Variants in MYO1G observed in about 807,000 individuals in gnomAD.
The protein encoded by MYO1G is myosin IG, also known as unconventional myosin-Ig.
A neutral mutation model predicts 115.3 loss-of-function variants in MYO1G; 65 were observed. That is an observed-to-expected ratio of 0.56 (90% CI 0.46 to 0.69). The LOEUF (loss-of-function observed/expected upper bound fraction) is 0.69, where lower values mean the gene tolerates loss of function less well. MYO1G is among the 30% of genes least tolerant of loss of function. MYO1G has a pLI of 0.00. For missense variants in MYO1G, 1,204 were observed against 1,393.5 expected, an observed-to-expected ratio of 0.86 and a Z score of 2.16; for synonymous variants, 510 against 552.6, an observed-to-expected ratio of 0.92 and a Z score of 1.08.
chr7:44,966,432 A>T lies in MYO1G; in HGVS notation c.1950-152T>A, dbSNP rs1218709236. The T allele has an allele frequency of 1.2e-6, 1 of 821,860 alleles. No individual in the cohort carries two copies. The highest frequency in any genetic ancestry group is 2.0e-6 in the Non-Finnish European group (1 of 494,956). The allele number at this position is 821,860 out of a possible 1,614,324, so 50.9% of individuals were successfully genotyped here. On this transcript the variant is annotated intron_variant, in intron 15 of 21. Transcript: ENST00000258787. The surrounding 1 kb of genome is among the most constrained non-coding windows in gnomAD (Gnocchi z 5.0). ...TGTGCACATATGTCTTCCCATACAC[A>T]TGTCCTCACATACATGTCCTCACAC...
Position 44,962,977 on chromosome 7 carries a change from A to G in MYO1G, c.2893T>C (p.Cys965Arg). Residue 965 changes from cysteine (C) to arginine (R), a missense_variant, in exon 21 of 22, where the codon TGC becomes CGC. Coordinates refer to ENST00000258787, the MANE Select transcript of MYO1G (RefSeq NM_033054.3). The surrounding 1 kb of genome is among the most constrained non-coding windows in gnomAD (Gnocchi z 5.3). Reference protein sequence around the residue: ...GELVGVLAAHCQGEGRTLEVR... With the variant: ...GELVGVLAAHRQGEGRTLEVR... ...CGCCCAGCCTGCACTCACCCCTGGC[A>G]GTGTGCGGCCAGCACGCCCACCAGC... The G allele has an allele frequency of 6.5e-7, 1 of 1,532,804 alleles. No homozygotes were observed. Among genetic ancestry groups the G allele is most frequent in the Non-Finnish European group, 8.7e-7 (1 of 1,143,972 alleles). The allele number at this position is 1,532,804 out of a possible 1,614,324, so 95.0% of individuals were successfully genotyped here. A position where few individuals can be genotyped will look rare whatever the true frequency, so the allele number is the denominator to read the frequency against.
In MYO1G at chr7:44,963,141, G is replaced by T; in HGVS notation, c.2746-17C>A. On this transcript the variant is annotated splice_polypyrimidine_tract_variant and intron_variant, in intron 20 of 21. Transcript: ENST00000258787. This position sits in a 1 kb window ranked among gnomAD's most constrained non-coding sequence, Gnocchi z 4.1. ...CCCCGTCACCTGAGCGGAGCGCGGG[G>T]TCAGAGTGCAGCCGCCTCAACCCGC... 1 of 1,432,008 alleles carries T rather than the reference G, an allele frequency of 7.0e-7. No individual in the cohort carries two copies. The highest frequency in any genetic ancestry group is 9.1e-7 in the Non-Finnish European group (1 of 1,096,760). 88.7% of individuals were successfully genotyped at this position (1,432,008 alleles called of 1,614,324 possible).
In MYO1G at chr7:44,969,139, T is replaced by G; in HGVS notation, c.1574+274A>C. The G allele has an allele frequency of 3.8e-6, 1 of 265,554 alleles. No individual in the cohort carries two copies. Among genetic ancestry groups the G allele is most frequent in the Non-Finnish European group, 7.4e-6 (1 of 135,846 alleles). The allele number at this position is 265,554 out of a possible 1,614,324, so 16.4% of individuals were successfully genotyped here. On this transcript the variant is annotated intron_variant, in intron 12 of 21. Transcript: ENST00000258787. The surrounding 1 kb of genome is among the most constrained non-coding windows in gnomAD (Gnocchi z 5.0). ...CTGAAGCCCCCCACCCCACAGATGC[T>G]GGTATAGGGTTGGGCCCAGACATGA...
intron 2 of MYO1G, 77 bp from the exon 3 acceptor site, chr7:44,976,734 C>G: frequency 6.3e-7 from 1 of 1,592,356 alleles, no homozygotes; most frequent in East Asian, 2.2e-5. Context: ...ACTCACACCC[C>G]CAAGACTGGC....
At chr7:44,975,268 G>T (rs762461633) in intron 4 of MYO1G, 41 bp from the exon 5 acceptor site, 3 of 1,609,978 alleles carry the variant, frequency 1.9e-6, no homozygotes, top group Non-Finnish European at 2.6e-6. Context: ...CTGGGAAGGA[G>T]TCTGACCCTG....
rs761923309 is a variant in MYO1G, at chr7:44,964,541, G to A, written c.2527-22C>T. ...TGGCCTGAGGACAGATGGAGGGGAG[G>A]GGGCGCTGCTTGGGATTGAGTCATG... On this transcript the variant is annotated intron_variant, in intron 18 of 21. Transcript: ENST00000258787. This position sits in a 1 kb window ranked among gnomAD's most constrained non-coding sequence, Gnocchi z 5.1. 1.0e-5 allele frequency: 16 copies of A among 1,593,750 alleles called. 1 individual carries two copies. The East Asian group carries it at 2.0e-4, about 20-fold the overall frequency.
rs142679029 is a variant in MYO1G, at chr7:44,966,833, G to C, written c.1788C>G (p.Pro596=). ...TGGGCTTGATGCAGCGGACGTAGAA[G>C]GGCTCCTGCAGGGACAGAGGGGACT... ...ALVENLASKE[P]FYVRCIKPNE... Residue 596 remains proline, a synonymous_variant, in exon 15 of 22, where the codon CCC becomes CCG. Coordinates refer to ENST00000258787, the MANE Select transcript of MYO1G (RefSeq NM_033054.3). The surrounding 1 kb of genome is among the most constrained non-coding windows in gnomAD (Gnocchi z 5.0). The C allele has an allele frequency of 2.6e-5, 42 of 1,606,768 alleles. No homozygotes were observed. The African/African-American group carries it at 5.2e-4, about 20-fold the overall frequency.
rs936737338 is a variant in MYO1G at position 44,963,939 on chromosome 7, G to T, written c.2745+110C>A. ...GCCACCATCGCTGAGTTTTAGGATG[G>T]TCTGGGCCATCTCAGGTAAACAGGG... On this transcript the variant is annotated intron_variant, in intron 20 of 21. Transcript: ENST00000258787. This position sits in a 1 kb window ranked among gnomAD's most constrained non-coding sequence, Gnocchi z 4.1. 1.7e-5 allele frequency: 15 copies of T among 907,244 alleles called. No individual in the cohort carries two copies. The African/African-American group carries it at 2.0e-4, about 12-fold the overall frequency. 56.2% of individuals were successfully genotyped at this position (907,244 alleles called of 1,614,324 possible). A position where few individuals can be genotyped will look rare whatever the true frequency, so the allele number is the denominator to read the frequency against.
In MYO1G at chr7:44,969,185, G is replaced by A; in HGVS notation, c.1574+228C>T. 1.9e-6 allele frequency: 1 copy of A among 529,016 alleles called. No homozygotes were observed. Among genetic ancestry groups the A allele is most frequent in the Non-Finnish European group, 3.4e-6 (1 of 290,518 alleles). 32.8% of individuals were successfully genotyped at this position (529,016 alleles called of 1,614,324 possible). A position where few individuals can be genotyped will look rare whatever the true frequency, so the allele number is the denominator to read the frequency against. ...CATGAGACGTGGGTATTTTTTAAAGGCTCCCAGAAGAATGCAGCCATGGTT... is the reference window on the plus strand; with the variant it reads ...CATGAGACGTGGGTATTTTTTAAAGACTCCCAGAAGAATGCAGCCATGGTT... On this transcript the variant is annotated intron_variant, in intron 12 of 21. Coordinates refer to ENST00000258787, the MANE Select transcript of MYO1G (RefSeq NM_033054.3). This position sits in a 1 kb window ranked among gnomAD's most constrained non-coding sequence, Gnocchi z 5.0.
intron 12 of MYO1G, among the ~76,000 whole-genome samples, chr7:44,968,349 G>A (rs539514027): frequency 6.6e-6 from 1 of 152,216 alleles, no homozygotes; most frequent in African/African-American, 2.4e-5. Context: ...AAACATCAGC[G>A]ACTACAACTA....
Position 44,976,970 on chromosome 7 carries a change from T to C in MYO1G, c.197A>G (p.Tyr66Cys), listed in dbSNP as rs753620320. ...CCGCTCATAGAGCTCACGGCCCTGG[T>C]ACCTGGCGATGGCCTCAGGCCCATA... ...PLYGPEAIARYQGRELYERPP... is the reference protein window; with the variant it reads ...PLYGPEAIARCQGRELYERPP... The change falls in exon 2 of 22, where the codon TAC becomes TGC. Residue 66 changes from tyrosine (Y) to cysteine (C), a missense_variant. By Grantham distance (194) the Tyr-to-Cys change is radical. Transcript: ENST00000258787. 3.7e-6 allele frequency: 6 copies of C among 1,613,658 alleles called. No homozygotes were observed. Among genetic ancestry groups the C allele is most frequent in the Non-Finnish European group, 8.5e-7 (1 of 1,180,026 alleles).
In MYO1G at chr7:44,969,291, G is replaced by A; in HGVS notation, c.1574+122C>T. On this transcript the variant is annotated intron_variant, in intron 12 of 21. Coordinates refer to ENST00000258787, the MANE Select transcript of MYO1G (RefSeq NM_033054.3). The surrounding 1 kb of genome is among the most constrained non-coding windows in gnomAD (Gnocchi z 5.0). ...CATGTTTCAGTGTCTTAAAGGGGTGGGGGTGGCAGAAGTGGCCATAACACC... is the reference window on the plus strand; with the variant it reads ...CATGTTTCAGTGTCTTAAAGGGGTGAGGGTGGCAGAAGTGGCCATAACACC... 1.2e-6 allele frequency: 1 copy of A among 837,270 alleles called. No individual in the cohort carries two copies. 51.9% of individuals were successfully genotyped at this position (837,270 alleles called of 1,614,324 possible). A position where few individuals can be genotyped will look rare whatever the true frequency, so the allele number is the denominator to read the frequency against.
In MYO1G at chr7:44,962,853, T is replaced by A; in HGVS notation, c.2943A>T (p.Pro981=). Residue 981 remains proline (P), a synonymous_variant, in exon 22 of 22, where the codon CCA becomes CCT. Coordinates refer to ENST00000258787, the MANE Select transcript of MYO1G (RefSeq NM_033054.3). This position sits in a 1 kb window ranked among gnomAD's most constrained non-coding sequence, Gnocchi z 5.3. ...TLEVRVSDCI[P]LSHRGVRRLI... ...GGCGCCGGACCCCGCGATGGCTTAGTGGGATGCAGTCGGAGACGCGAACCT... is the reference window on the plus strand; with the variant it reads ...GGCGCCGGACCCCGCGATGGCTTAGAGGGATGCAGTCGGAGACGCGAACCT... 1.3e-6 allele frequency: 2 copies of A among 1,508,582 alleles called. No individual in the cohort carries two copies. The highest frequency in any genetic ancestry group is 1.8e-6 in the Non-Finnish European group (2 of 1,131,012). 93.4% of individuals were successfully genotyped at this position (1,508,582 alleles called of 1,614,324 possible). A position where few individuals can be genotyped will look rare whatever the true frequency, so the allele number is the denominator to read the frequency against.
chr7:44,967,837 C>A, intron 13 of MYO1G, 47 bp downstream of exon 13: 1 of 1,612,454 alleles, frequency 6.2e-7, no homozygotes, highest in African/African-American at 1.3e-5. Flanking sequence ...GTCTCTGGGG[C>A]CCCAGGGCCC....
rs1415285229 is a variant in MYO1G, at chr7:44,966,045, G to A, written c.2157+28C>T. 1 of 1,605,264 alleles carries A rather than the reference G, an allele frequency of 6.2e-7. No homozygotes were observed. Among genetic ancestry groups the A allele is most frequent in the Non-Finnish European group, 8.5e-7 (1 of 1,178,118 alleles). ...CACAAGCTTTCCCCACCTCCATAGT[G>A]GATGTCTTCCTGCCCCGCCCACCTC... On this transcript the variant is annotated intron_variant, in intron 16 of 21. Transcript: ENST00000258787. The surrounding 1 kb of genome is among the most constrained non-coding windows in gnomAD (Gnocchi z 5.0).
intron 12 of MYO1G, 76 bp from the exon 13 acceptor site, chr7:44,968,034 C>T (rs1794880147): frequency 6.7e-6 from 8 of 1,201,452 alleles, no homozygotes; most frequent in Non-Finnish European, 6.1e-6. Flanking sequence ...CCAGCAGCCC[C>T]CACTCTCTTC....
Position 44,963,238 on chromosome 7 carries a change from C to G in MYO1G, c.2746-114G>C. On this transcript the variant is annotated intron_variant, in intron 20 of 21. Coordinates refer to ENST00000258787, the MANE Select transcript of MYO1G (RefSeq NM_033054.3). This position sits in a 1 kb window ranked among gnomAD's most constrained non-coding sequence, Gnocchi z 4.1. ...AACCCCCAACCGCACCCGGGGAGCGCCGCCCTCGCCAGGGCCACCAGCCCC... is the reference window on the plus strand; with the variant it reads ...AACCCCCAACCGCACCCGGGGAGCGGCGCCCTCGCCAGGGCCACCAGCCCC... 1.6e-6 allele frequency: 2 copies of G among 1,282,296 alleles called. No homozygotes were observed. The highest frequency in any genetic ancestry group is 1.7e-5 in the South Asian group (1 of 59,106). The allele number at this position is 1,282,296 out of a possible 1,614,324, so 79.4% of individuals were successfully genotyped here.
chr7:44,974,895 C>T (rs1046136529), intron 5 of MYO1G: 1 of 521,294 alleles, frequency 1.9e-6, no homozygotes, highest in Non-Finnish European at 3.5e-6. Context: ...TTATTGTTCA[C>T]AGAGACACTT....
Position 44,969,517 on chromosome 7 carries a change from G to A in MYO1G, c.1504-34C>T, listed in dbSNP as rs777518169. 3 of 1,610,474 alleles carry A rather than the reference G, an allele frequency of 1.9e-6. No individual in the cohort carries two copies. The African/African-American group carries it at 4.0e-5, about 22-fold the overall frequency. On this transcript the variant is annotated intron_variant, in intron 11 of 21. Transcript: ENST00000258787. This position sits in a 1 kb window ranked among gnomAD's most constrained non-coding sequence, Gnocchi z 5.0. ...ACAGGCTGAGGTCAAGGCACAAAAG[G>A]TATGTGGAGGGTCTGTATGAAGGGA...
Sources: gnomAD v4.1 joint callset for allele counts (sites outside exome capture counted in the v4.1 genomes callset) on GRCh38, gnomAD v4.1.1 for gene constraint, Gnocchi (gnomAD v3.1) non-coding constraint, MANE v1.5 for transcripts, NCBI Gene and HGNC (gene_info 2026-07-23, HGNC 2026-07-21) for gene names.